The following PTCHD4 variants were observed in gnomAD, a reference collection of about 807,000 sequenced individuals.
PTCHD4 encodes the protein patched domain containing 4, also known as patched domain-containing protein 4.
A neutral mutation model predicts 58.1 loss-of-function variants in PTCHD4; 33 were observed. The ratio of observed to expected loss-of-function variants is 0.57; its 90% CI spans 0.43 to 0.76. PTCHD4 has a LOEUF of 0.76. Ranked by LOEUF, PTCHD4 falls within the 30% of genes least tolerant of loss-of-function variation. The pLI, the probability that PTCHD4 is intolerant of heterozygous loss-of-function variation, is 0.00. For synonymous variants in PTCHD4, 478 were observed against 409.6 expected (o/e 1.17, Z -2.02); for missense variants, 1,058 against 1,027.1 (o/e 1.03, Z -0.41).
intron 4 of PTCHD4, among the ~76,000 whole-genome samples, chr6:47,881,547 G>C (rs1764021983): frequency 6.6e-6 from 1 of 151,044 alleles, no homozygotes; most frequent in Non-Finnish European, 1.5e-5. Context: ...ACCAAATCTT[G>C]GCTAAGCCAT....
intron 1 of PTCHD4, among the ~76,000 whole-genome samples, chr6:48,083,673 G>A (rs1242262457): frequency 2.0e-5 from 3 of 152,166 alleles, no homozygotes. Flanking sequence ...TTAGAAGCAT[G>A]AGAGGCACTT....
intron 3 of PTCHD4, among the ~76,000 whole-genome samples, chr6:48,011,839 C>T (rs903184374): frequency 6.6e-6 from 1 of 152,134 alleles, no homozygotes; most frequent in African/African-American, 2.4e-5. Flanking sequence ...AATCTTTTCT[C>T]CATTGCTTGT....
chr6:47,921,552 C>T (rs1486391097), intron 4 of PTCHD4, among the ~76,000 whole-genome samples: 1 of 152,098 alleles, frequency 6.6e-6, no homozygotes, highest in African/African-American at 2.4e-5. Context: ...TAGACAATGC[C>T]GTATTAGTTG....
intron 3 of PTCHD4, among the ~76,000 whole-genome samples, chr6:48,029,798 C>G (rs1215172713): frequency 6.6e-6 from 1 of 152,048 alleles, no homozygotes; most frequent in Non-Finnish European, 1.5e-5. Flanking sequence ...GAGTATTATA[C>G]TTGAAAATGA....
chr6:48,068,375 A>G lies in PTCHD4; in HGVS notation c.272T>C (p.Leu91Pro), dbSNP rs1582106274. Residue 91 changes from leucine (L) to proline (P), a missense_variant, in exon 3 of 5, where the codon CTG becomes CCG. Leu to Pro is a moderately conservative substitution (Grantham distance 98). Transcript: ENST00000339488. The surrounding 1 kb of genome is among the most constrained non-coding windows in gnomAD (Gnocchi z 4.2). ...ERSLASSLFP[L>P]DQSKSQLYSD... ...ATAGAGCTGGCTTTTGGACTGGTCC[A>G]GGGGGAAAAGGCTGCTGGCCAGGCT... 1.9e-6 allele frequency: 3 copies of G among 1,613,926 alleles called. No homozygotes were observed. In the South Asian group the frequency reaches 3.3e-5, roughly 18 times the overall value.
In PTCHD4 at chr6:47,873,309, T is replaced by C. The variant is rs895797579; in HGVS notation, c.*4994A>G. Reference sequence around the variant, plus strand: ...AGAATATGTGGTATTATTCCACTTGTTCTATCACACCTACTTACAGACATC... The same window carrying C: ...AGAATATGTGGTATTATTCCACTTGCTCTATCACACCTACTTACAGACATC... On this transcript the variant is annotated 3_prime_UTR_variant, in exon 5 of 5. Transcript: ENST00000339488. 1.3e-5 allele frequency among the ~76,000 whole-genome samples: 2 copies of C among 151,766 alleles called. No individual in the cohort carries two copies. The highest frequency in any genetic ancestry group is 4.8e-5 in the African/African-American group (2 of 41,388).
In PTCHD4 at chr6:47,878,953, G is replaced by T. The variant is rs768172669; in HGVS notation, c.1882C>A (p.Pro628Thr). Residue 628 changes from proline (P) to threonine (T), a missense_variant, in exon 5 of 5, where the codon CCC (proline) becomes ACC (threonine). Coordinates refer to ENST00000339488, the MANE Select transcript of PTCHD4 (RefSeq NM_001384253.1). The part of the protein sequence containing the change: ...EITEVLEKLR[P>T]LSLSKSIRFI... The stretch of plus-strand genomic sequence containing the variant: ...CGGATGCTCTTTGAGAGGGATAGGG[G>T]CCTCAGCTTTTCCAACACTTCTGTG... 3 of 1,612,824 alleles carry T rather than the reference G, an allele frequency of 1.9e-6. No homozygotes were observed. Among genetic ancestry groups the T allele is most frequent in the East Asian group, 2.2e-5 (1 of 44,848 alleles).
chr6:48,051,389 G>T (rs1249551944), intron 3 of PTCHD4, among the ~76,000 whole-genome samples: 1 of 151,764 alleles, frequency 6.6e-6, no homozygotes, highest in Non-Finnish European at 1.5e-5. Context: ...GGATGCTTCG[G>T]GATTTATAAA....
chr6:47,971,090 C>T (rs1336728068), intron 4 of PTCHD4, among the ~76,000 whole-genome samples: 1 of 152,156 alleles, frequency 6.6e-6, no homozygotes, highest in East Asian at 1.9e-4. Flanking sequence ...ATACCAGACA[C>T]CAAGGGATCA....
intron 3 of PTCHD4, among the ~76,000 whole-genome samples, chr6:48,062,375 T>C (rs1041580025): frequency 6.6e-6 from 1 of 152,120 alleles, no homozygotes; most frequent in Non-Finnish European, 1.5e-5. Context: ...TTGGTGGTTC[T>C]GAACCACTAA....
chr6:48,075,499 C>A (rs1765047635), intron 1 of PTCHD4, among the ~76,000 whole-genome samples: 2 of 150,154 alleles, frequency 1.3e-5, no homozygotes, highest in Admixed American at 1.3e-4. Flanking sequence ...CACTATATCA[C>A]CTTGGTCAAA....
rs1031417234 is a variant in PTCHD4, at chr6:47,877,818, G to T, written c.*485C>A. Among the ~76,000 whole-genome samples, 2 of 151,946 alleles carry T rather than the reference G, an allele frequency of 1.3e-5. No individual in the cohort carries two copies. The highest frequency in any genetic ancestry group is 4.1e-4 in the South Asian group (2 of 4,820). On this transcript the variant is annotated 3_prime_UTR_variant, in exon 5 of 5. Coordinates refer to ENST00000339488, the MANE Select transcript of PTCHD4 (RefSeq NM_001384253.1). ...TATATGTACACATAAAATGGATTGGGAAGTCCTTTGGTTTAGACAGTATTA... is the reference window on the plus strand; with the variant it reads ...TATATGTACACATAAAATGGATTGGTAAGTCCTTTGGTTTAGACAGTATTA...
chr6:48,022,918 A>G (rs1460002368), intron 3 of PTCHD4, among the ~76,000 whole-genome samples: 2 of 147,590 alleles, frequency 1.4e-5, no homozygotes, highest in South Asian at 2.1e-4. Context: ...TCTTGAAAGG[A>G]AAAAAAAAGC....
chr6:48,012,616 T>C (rs758041447), intron 3 of PTCHD4, among the ~76,000 whole-genome samples: 4 of 152,218 alleles, frequency 2.6e-5, no homozygotes, highest in Non-Finnish European at 1.5e-5. Flanking sequence ...CTATGTTGAA[T>C]AGGAGTGGTG....
At chr6:47,954,569 A>C (rs1211561345) in intron 4 of PTCHD4, among the ~76,000 whole-genome samples, 1 of 152,222 alleles carries the variant, frequency 6.6e-6, no homozygotes, top group Non-Finnish European at 1.5e-5. Flanking sequence ...GAAGTACACT[A>C]AAGTGAGGTA....
At chr6:47,957,839 C>T (rs1467377690) in intron 4 of PTCHD4, among the ~76,000 whole-genome samples, 2 of 151,938 alleles carry the variant, frequency 1.3e-5, no homozygotes, top group Non-Finnish European at 2.9e-5. Context: ...CACCTTACCT[C>T]GTGATCTGCC....
intron 4 of PTCHD4, among the ~76,000 whole-genome samples, chr6:48,001,945 T>C (rs189138334): frequency 6.6e-6 from 1 of 151,952 alleles, no homozygotes; most frequent in Non-Finnish European, 1.5e-5. Context: ...AACAAGTGGG[T>C]GAAGGATATG....
At chr6:47,895,191 C>T (rs930875835) in intron 4 of PTCHD4, among the ~76,000 whole-genome samples, 1 of 151,984 alleles carries the variant, frequency 6.6e-6, no homozygotes, top group African/African-American at 2.4e-5. Flanking sequence ...CCCATGCAGA[C>T]AGCTAAGATG....
chr6:48,062,713 T>G (rs1029131830), intron 3 of PTCHD4, among the ~76,000 whole-genome samples: 1 of 152,156 alleles, frequency 6.6e-6, no homozygotes, highest in African/African-American at 2.4e-5. Flanking sequence ...TTGGGTGCTA[T>G]GATCAAAGTC....
Sources: gnomAD v4.1 joint callset for allele counts (sites outside exome capture counted in the v4.1 genomes callset) on GRCh38, gnomAD v4.1.1 for gene constraint, Gnocchi (gnomAD v3.1) non-coding constraint, MANE v1.5 for transcripts, NCBI Gene and HGNC (gene_info 2026-07-23, HGNC 2026-07-21) for gene names.